TASP1: variants seen among roughly 807,000 people sequenced by gnomAD.
The protein encoded by TASP1 is threonine aspartase 1.
TASP1 carries 16 observed loss-of-function variants against 56.6 expected under a neutral mutation model. The ratio of observed to expected loss-of-function variants is 0.28; its 90% CI spans 0.19 to 0.43. The LOEUF is 0.43. Among genes scored for constraint, TASP1 ranks in the 20% least tolerant of loss-of-function variants. The pLI, the probability that TASP1 is intolerant of heterozygous loss-of-function variation, is 1.00. For synonymous variants in TASP1, 179 were observed against 184.2 expected (o/e 0.97, Z 0.23); for missense variants, 393 against 511.6 (o/e 0.77, Z 2.24).
rs573286974 is a variant in TASP1 at position 13,609,016 on chromosome 20, G to A, written c.282+14430C>T. ...GTTACAATTTATTTATCATTTTTTT[G>A]GACATAATTTCAGACTTATAGAAAA... On this transcript the variant is annotated intron_variant, in intron 4 of 13. Coordinates refer to ENST00000337743, the MANE Select transcript of TASP1 (RefSeq NM_017714.3). Among the ~76,000 whole-genome samples the A allele has an allele frequency of 7.4e-4, 112 of 152,044 alleles. 1 individual carries two copies. The highest frequency in any genetic ancestry group is 2.4e-3 in the African/African-American group (101 of 41,478).
chr20:13,299,604 T>C, the TASP1 span: 3 of 803,972 alleles, frequency 3.7e-6, no homozygotes, highest in Non-Finnish European at 5.8e-6. This position sits in a 1 kb window ranked among gnomAD's most constrained non-coding sequence, Gnocchi z 5.8. Flanking sequence ...TACATTACGC[T>C]AGGGGCGTGT....
At chr20:13,495,676 T>C (rs747950847) in intron 10 of TASP1, among the ~76,000 whole-genome samples, 11 of 152,090 alleles carry the variant, frequency 7.2e-5, no homozygotes, top group Admixed American at 5.2e-4. Context: ...AATATACAAT[T>C]TGGGACTCTT....
At chr20:13,250,728 T>C in the TASP1 span, among the ~76,000 whole-genome samples, 124 of 152,296 alleles carry the variant, frequency 8.1e-4, no homozygotes, top group African/African-American at 2.9e-3. Context: ...ATTTCCAGTC[T>C]TTGGAACGGA....
At chr20:13,249,820 G>A in the TASP1 span, among the ~76,000 whole-genome samples, 2 of 140,622 alleles carry the variant, frequency 1.4e-5, no homozygotes, top group East Asian at 4.0e-4. Context: ...GTTTTGTTTT[G>A]TTTTGTTTTG....
the TASP1 span, among the ~76,000 whole-genome samples, chr20:13,128,215 A>G: frequency 6.6e-6 from 1 of 152,230 alleles, no homozygotes; most frequent in African/African-American, 2.4e-5. Flanking sequence ...GGTGATCGAC[A>G]AGTATTTGAA....
the TASP1 span, among the ~76,000 whole-genome samples, chr20:13,127,707 C>A: frequency 5.7e-3 from 867 of 152,306 alleles, 5 homozygotes; most frequent in Middle Eastern, 0.034. Context: ...AGCCCTAGTG[C>A]TCCCCAAGAC....
the TASP1 span, among the ~76,000 whole-genome samples, chr20:13,321,892 T>G: frequency 6.6e-6 from 1 of 152,212 alleles, no homozygotes; most frequent in African/African-American, 2.4e-5. Context: ...ATTGGCTGCA[T>G]GCTAGCTATG....
chr20:13,123,195 G>C, the TASP1 span, among the ~76,000 whole-genome samples: 1 of 152,118 alleles, frequency 6.6e-6, no homozygotes, highest in Non-Finnish European at 1.5e-5. Flanking sequence ...GCCAGGAGTG[G>C]TGGCACACGC....
the TASP1 span, among the ~76,000 whole-genome samples, chr20:13,308,209 T>A: frequency 6.6e-6 from 1 of 152,128 alleles, no homozygotes; most frequent in Admixed American, 6.6e-5. Context: ...CAGGAATCCA[T>A]CATCAATGAA....
intron 13 of TASP1, among the ~76,000 whole-genome samples, chr20:13,406,668 CTTT>C (rs149352395): frequency 1.2e-4 from 14 of 117,676 alleles, no homozygotes; most frequent in Non-Finnish European, 1.6e-4. Flanking sequence ...AGGGTTTTTT[CTTT>C]TTTTTTTTTT....
the TASP1 span, chr20:13,165,673 G>C: frequency 1.3e-5 from 2 of 152,164 alleles, no homozygotes; most frequent in Admixed American, 1.3e-4. Flanking sequence ...AGTGCACGGT[G>C]AATGCTTACC....
the TASP1 span, among the ~76,000 whole-genome samples, chr20:13,105,216 T>C: frequency 6.6e-6 from 1 of 152,108 alleles, no homozygotes; most frequent in Non-Finnish European, 1.5e-5. Context: ...TCCCTTTTCC[T>C]GTGTAGCTTC....
chr20:13,224,660 A>C, the TASP1 span, among the ~76,000 whole-genome samples: 38 of 151,658 alleles, frequency 2.5e-4, no homozygotes, highest in Non-Finnish European at 4.4e-4. Flanking sequence ...TGGTGAGTTT[A>C]TTTACCTGAA....
intron 8 of TASP1, among the ~76,000 whole-genome samples, chr20:13,555,382 TAAAAA>T (rs59279659): frequency 5.0e-5 from 5 of 99,350 alleles, no homozygotes; most frequent in Admixed American, 1.2e-4. Context: ...AGACTCCCTC[TAAAAA>T]AAAAAAAAAA....
chr20:13,299,122 G>A, the TASP1 span: 1 of 1,613,094 alleles, frequency 6.2e-7, no homozygotes, highest in Non-Finnish European at 8.5e-7. The surrounding 1 kb of genome is among the most constrained non-coding windows in gnomAD (Gnocchi z 5.8). Context: ...GACGCCAGCG[G>A]GCCCAAGGAG....
intron 10 of TASP1, among the ~76,000 whole-genome samples, chr20:13,494,803 C>T (rs537368694): frequency 1.3e-5 from 2 of 152,154 alleles, no homozygotes; most frequent in African/African-American, 4.8e-5. Flanking sequence ...AGGAGCACAA[C>T]AGGTTCTGAT....
chr20:13,390,509 A>T, intron 13 of TASP1, 57 bp from the exon 14 acceptor site: 1 of 1,518,982 alleles, frequency 6.6e-7, no homozygotes, highest in Non-Finnish European at 9.1e-7. Context: ...CCCTTGCCAC[A>T]CCCCTACCCG....
At chr20:13,589,663 G>A in intron 4 of TASP1, among the ~76,000 whole-genome samples, 1 of 151,258 alleles carries the variant, frequency 6.6e-6, no homozygotes. Flanking sequence ...GAAAATAGGG[G>A]GAAAAAAACA....
chr20:13,404,287 C>T (rs183558573), intron 13 of TASP1, among the ~76,000 whole-genome samples: 1 of 152,270 alleles, frequency 6.6e-6, no homozygotes, highest in East Asian at 1.9e-4. Context: ...TTACCCTTGG[C>T]CCAAGAAGAT....
Sources: gnomAD v4.1 joint callset for allele counts (sites outside exome capture counted in the v4.1 genomes callset) on GRCh38, gnomAD v4.1.1 for gene constraint, Gnocchi (gnomAD v3.1) non-coding constraint, MANE v1.5 for transcripts, NCBI Gene and HGNC (gene_info 2026-07-23, HGNC 2026-07-21) for gene names.